Variants in ITPR1 observed in about 807,000 individuals in gnomAD.
The protein encoded by ITPR1 is inositol 1,4,5-trisphosphate receptor type 1.
Under a neutral mutation model 318.4 loss-of-function variants are expected in ITPR1, and 96 were observed. That is an observed-to-expected ratio of 0.30 (90% CI 0.26 to 0.36). The LOEUF is 0.36. Ranked by LOEUF, ITPR1 falls within the 10% of genes least tolerant of loss-of-function variation. The pLI is 1.00. For synonymous variants in ITPR1, 1,312 were observed against 1,289.9 expected (o/e 1.02, Z -0.37); for missense variants, 2,440 against 3,460.2 (o/e 0.71, Z 7.40).
At chr3:4,748,197 C>G (rs1027991962) in intron 44 of ITPR1, among the ~76,000 whole-genome samples, 4 of 152,182 alleles carry the variant, frequency 2.6e-5, no homozygotes, top group Non-Finnish European at 5.9e-5. Context: ...ACACAAGGCC[C>G]TCAGAAGTCT....
intron 4 of ITPR1, among the ~76,000 whole-genome samples, chr3:4,570,125 A>T (rs527302434): frequency 5.9e-5 from 9 of 152,322 alleles, no homozygotes; most frequent in African/African-American, 2.2e-4. Flanking sequence ...CCGAAAAAAA[A>T]TGATTAGATT....
intron 44 of ITPR1, chr3:4,750,329 A>G (rs2044407747): frequency 6.6e-6 from 1 of 152,064 alleles, no homozygotes; most frequent in Admixed American, 6.5e-5. Context: ...TTGGAAATCT[A>G]TATCCTGCTG....
chr3:4,508,874 C>T (rs2081590034), intron 2 of ITPR1, among the ~76,000 whole-genome samples: 1 of 152,128 alleles, frequency 6.6e-6, no homozygotes, highest in Non-Finnish European at 1.5e-5. Flanking sequence ...GAGATGCTGT[C>T]CAAGTATCAG....
chr3:4,659,710 G>C (rs2125187450), intron 13 of ITPR1, among the ~76,000 whole-genome samples: 1 of 151,670 alleles, frequency 6.6e-6, no homozygotes, highest in Admixed American at 6.6e-5. Flanking sequence ...AAAAGAAACT[G>C]TTATAGTCAA....
chr3:4,546,047 A>G (rs1388420481), intron 4 of ITPR1, among the ~76,000 whole-genome samples: 1 of 152,186 alleles, frequency 6.6e-6, no homozygotes, highest in Admixed American at 6.6e-5. Context: ...AAACGGTCAC[A>G]ACAAGAACAA....
At chr3:4,550,592 T>C (rs1315863989) in intron 4 of ITPR1, among the ~76,000 whole-genome samples, 1 of 152,074 alleles carries the variant, frequency 6.6e-6, no homozygotes. Context: ...ATGGGACAAA[T>C]GGCAGACTTT....
At chr3:4,603,039 T>C (rs1280011341) in intron 4 of ITPR1, among the ~76,000 whole-genome samples, 1 of 152,136 alleles carries the variant, frequency 6.6e-6, no homozygotes, top group Non-Finnish European at 1.5e-5. Context: ...TGTTCAAGCT[T>C]ACTGGTAACA....
intron 60 of ITPR1, among the ~76,000 whole-genome samples, chr3:4,822,816 G>A (rs2049816613): frequency 6.6e-6 from 1 of 152,082 alleles, no homozygotes; most frequent in African/African-American, 2.4e-5. Context: ...ACTGACTTGG[G>A]CCCTGGACAA....
At chr3:4,498,801 A>G (rs947075808) in intron 2 of ITPR1, among the ~76,000 whole-genome samples, 1 of 152,202 alleles carries the variant, frequency 6.6e-6, no homozygotes, top group East Asian at 1.9e-4. Context: ...TGGAGTTTCA[A>G]CACAAACCTA....
At chr3:4,695,395 T>C (rs182387821) in intron 33 of ITPR1, among the ~76,000 whole-genome samples, 2 of 151,776 alleles carry the variant, frequency 1.3e-5, no homozygotes, top group Admixed American at 1.3e-4. Context: ...TGTTTTTTAC[T>C]CTTTTTTATT....
At chr3:4,658,030 CCTTT>C (rs1427199019) in intron 12 of ITPR1, 90 bp from the exon 13 acceptor site, 5 of 1,249,056 alleles carry the variant, frequency 4.0e-6, no homozygotes, top group Middle Eastern at 2.0e-4. Context: ...CATTCACGAT[CCTTT>C]CTTCTCCGTT....
Position 4,815,188 on chromosome 3 carries a change from G to A in ITPR1, c.7837G>A (p.Glu2613Lys), listed in dbSNP as rs1240266341. The change falls in exon 59 of 62, where the codon GAG becomes AAG. Residue 2613 changes from glutamate (E) to lysine (K), a missense_variant. This residue lies in a region of ITPR1 where 72 missense variants were observed against 197.7 expected (regional missense o/e 0.36). Coordinates refer to ENST00000649015, the MANE Select transcript of ITPR1 (RefSeq NM_001378452.1). ...GAGGAGTGAGAAGCAGAAGAAGGAAGAGATCTTGAAGACCACGTGCTTTAT... is the reference window on the plus strand; with the variant it reads ...GAGGAGTGAGAAGCAGAAGAAGGAAAAGATCTTGAAGACCACGTGCTTTAT... ...DLRSEKQKKEEILKTTCFICG... is the reference protein window; with the variant it reads ...DLRSEKQKKEKILKTTCFICG... The A allele has an allele frequency of 6.2e-7, 1 of 1,613,978 alleles. No individual in the cohort carries two copies. The highest frequency in any genetic ancestry group is 8.5e-7 in the Non-Finnish European group (1 of 1,179,844).
intron 15 of ITPR1, among the ~76,000 whole-genome samples, chr3:4,662,671 C>G (rs1029942439): frequency 4.6e-5 from 7 of 152,088 alleles, no homozygotes; most frequent in African/African-American, 1.7e-4. Context: ...TATAGTGAGC[C>G]AAGATCATAC....
chr3:4,715,954 A>G (rs1223728495), intron 39 of ITPR1, among the ~76,000 whole-genome samples: 1 of 152,260 alleles, frequency 6.6e-6, no homozygotes, highest in Non-Finnish European at 1.5e-5. Context: ...AATAAAAAAA[A>G]TCTTTAATTC....
intron 24 of ITPR1, 72 bp downstream of exon 24, chr3:4,676,873 C>A: frequency 8.4e-7 from 1 of 1,187,536 alleles, no homozygotes; most frequent in Non-Finnish European, 1.2e-6. Context: ...TCCCTCTGTT[C>A]TGATGGAGCC....
intron 37 of ITPR1, among the ~76,000 whole-genome samples, chr3:4,709,708 T>A (rs1253545038): frequency 6.6e-6 from 1 of 152,278 alleles, no homozygotes; most frequent in Non-Finnish European, 1.5e-5. Flanking sequence ...GTTTTGCATT[T>A]GAAGACCATC....
At chr3:4,644,302 C>A in intron 8 of ITPR1, 68 bp downstream of exon 8, 1 of 1,036,296 alleles carries the variant, frequency 9.6e-7, no homozygotes, top group Non-Finnish European at 1.4e-6. Context: ...GGCGCCAGTG[C>A]ATGCGTGTGC....
intron 4 of ITPR1, among the ~76,000 whole-genome samples, chr3:4,523,299 A>G (rs1269848016): frequency 2.6e-5 from 4 of 152,214 alleles, no homozygotes; most frequent in Non-Finnish European, 1.5e-5. Flanking sequence ...AAATACATGC[A>G]CATAATTTAA....
At chr3:4,561,821 G>A (rs1311480447) in intron 4 of ITPR1, among the ~76,000 whole-genome samples, 1 of 152,106 alleles carries the variant, frequency 6.6e-6, no homozygotes, top group Non-Finnish European at 1.5e-5. Context: ...AATATAAACA[G>A]ATAACTGTTT....
Sources: allele counts gnomAD v4.1 joint callset (sites outside exome capture counted in the v4.1 genomes callset), GRCh38; gene constraint gnomAD v4.1.1; regional missense constraint gnomAD v4.1.1; transcripts MANE v1.5; gene names NCBI Gene and HGNC (gene_info 2026-07-23, HGNC 2026-07-21).